SLC35F4: variants seen among roughly 807,000 people sequenced by gnomAD.
SLC35F4 encodes solute carrier family 35 member F4.
Under a neutral mutation model 44.2 loss-of-function variants are expected in SLC35F4, and 24 were observed. The observed-to-expected ratio is 0.54, with a 90% CI of 0.39 to 0.76. The LOEUF (loss-of-function observed/expected upper bound fraction) is 0.76. SLC35F4 is among the 30% of genes least tolerant of loss of function. The probability of loss-of-function intolerance (pLI) is 0.00; values close to 1 mark genes in which losing one functional copy is unlikely to be tolerated. For synonymous variants in SLC35F4, 238 were observed against 223.6 expected, an observed-to-expected ratio of 1.06 and a Z score of -0.57; for missense variants, 562 against 586.1, an observed-to-expected ratio of 0.96 and a Z score of 0.42.
intron 1 of SLC35F4, among the ~76,000 whole-genome samples, chr14:57,662,411 G>A (rs1050385038): frequency 1.3e-5 from 2 of 152,136 alleles, no homozygotes; most frequent in African/African-American, 2.4e-5. Context: ...TCTTTAAGAG[G>A]TGAGTAGGTC....
chr14:57,927,546 A>G (rs925190024), intron 1 of SLC35F4, among the ~76,000 whole-genome samples: 21 of 149,376 alleles, frequency 1.4e-4, no homozygotes, highest in Non-Finnish European at 3.0e-5. Context: ...GCTGGAGTGC[A>G]GTGTCATGAT....
At chr14:57,678,811 A>C (rs1184748721) in intron 1 of SLC35F4, among the ~76,000 whole-genome samples, 2 of 152,120 alleles carry the variant, frequency 1.3e-5, no homozygotes, top group Admixed American at 6.5e-5. Context: ...GGATCAATGC[A>C]ACAAGAAGAG....
intron 1 of SLC35F4, among the ~76,000 whole-genome samples, chr14:57,893,469 G>C (rs1310826135): frequency 6.6e-6 from 1 of 152,122 alleles, no homozygotes; most frequent in East Asian, 1.9e-4. Flanking sequence ...AACTGAAAAA[G>C]GCAGGATTCA....
intron 3 of SLC35F4, among the ~76,000 whole-genome samples, chr14:57,585,061 T>A (rs180873): frequency 0.62 from 94,358 of 152,076 alleles, 29,779 homozygotes; most frequent in East Asian, 0.87. Context: ...TCTCCCCCAA[T>A]CCAGTAAGCA....
At chr14:57,743,305 C>A (rs2076666172) in intron 1 of SLC35F4, among the ~76,000 whole-genome samples, 1 of 151,882 alleles carries the variant, frequency 6.6e-6, no homozygotes, top group South Asian at 2.1e-4. Context: ...CTGAAAAGAT[C>A]AACAAAATTG....
chr14:57,888,055 A>G (rs1462724260), intron 1 of SLC35F4, among the ~76,000 whole-genome samples: 1 of 152,166 alleles, frequency 6.6e-6, no homozygotes, highest in Non-Finnish European at 1.5e-5. Context: ...AAAGTCCCCC[A>G]TGGAGTTCTT....
intron 1 of SLC35F4, among the ~76,000 whole-genome samples, chr14:57,799,124 A>G (rs894515545): frequency 3.9e-5 from 6 of 152,208 alleles, no homozygotes; most frequent in Non-Finnish European, 8.8e-5. Flanking sequence ...TTGCATTGGG[A>G]CTGACTAGGC....
chr14:57,723,387 T>C (rs2076131362), intron 1 of SLC35F4, among the ~76,000 whole-genome samples: 1 of 152,242 alleles, frequency 6.6e-6, no homozygotes, highest in Admixed American at 6.5e-5. Flanking sequence ...GGAGGGACTG[T>C]GGAGATTAGT....
chr14:57,864,704 GACA>G (rs1887971956), intron 1 of SLC35F4, among the ~76,000 whole-genome samples: 1 of 152,190 alleles, frequency 6.6e-6, no homozygotes. Flanking sequence ...CCAAGCTTCT[GACA>G]ACAATAACGG....
intron 1 of SLC35F4, among the ~76,000 whole-genome samples, chr14:57,929,245 G>A (rs1410593352): frequency 6.6e-6 from 1 of 151,982 alleles, no homozygotes; most frequent in African/African-American, 2.4e-5. Flanking sequence ...TTTGTCCAGT[G>A]GTCAAGGTGA....
chr14:57,714,598 G>A (rs529638584), intron 1 of SLC35F4, among the ~76,000 whole-genome samples: 28 of 151,956 alleles, frequency 1.8e-4, no homozygotes, highest in Non-Finnish European at 2.5e-4. Flanking sequence ...GAATGCAAAC[G>A]ATATTGCCTG....
chr14:57,731,220 C>T (rs1448435765), intron 1 of SLC35F4, among the ~76,000 whole-genome samples: 1 of 152,168 alleles, frequency 6.6e-6, no homozygotes, highest in Non-Finnish European at 1.5e-5. Context: ...AAGGTGGGGT[C>T]AGTGTCTCTA....
intron 1 of SLC35F4, among the ~76,000 whole-genome samples, chr14:57,962,903 G>T (rs1480043670): frequency 6.6e-6 from 1 of 152,180 alleles, no homozygotes; most frequent in Non-Finnish European, 1.5e-5. Context: ...CCTGCAACAG[G>T]CTGTGTGCCG....
chr14:57,728,260 A>G (rs2076252520), intron 1 of SLC35F4, among the ~76,000 whole-genome samples: 2 of 151,550 alleles, frequency 1.3e-5, no homozygotes, highest in Non-Finnish European at 2.9e-5. Flanking sequence ...CTTTATTTTC[A>G]GTCTGTGTGT....
At chr14:57,951,681 G>C (rs898561654) in intron 1 of SLC35F4, among the ~76,000 whole-genome samples, 2 of 152,178 alleles carry the variant, frequency 1.3e-5, no homozygotes, top group African/African-American at 4.8e-5. Context: ...AGTTCAGACT[G>C]GGCAGAGCCC....
chr14:57,720,395 G>C (rs2076054078), intron 1 of SLC35F4, among the ~76,000 whole-genome samples: 2 of 152,074 alleles, frequency 1.3e-5, no homozygotes, highest in African/African-American at 4.8e-5. Context: ...AGAACTGTTT[G>C]AGTAGGATTA....
intron 1 of SLC35F4, among the ~76,000 whole-genome samples, chr14:57,760,312 C>A (rs2077094718): frequency 6.6e-6 from 1 of 152,150 alleles, no homozygotes; most frequent in South Asian, 2.1e-4. Flanking sequence ...TGTAACATGG[C>A]ACCCTTTTTG....
chr14:57,747,167 C>G (rs1198935503), intron 1 of SLC35F4, among the ~76,000 whole-genome samples: 1 of 152,126 alleles, frequency 6.6e-6, no homozygotes, highest in Non-Finnish European at 1.5e-5. Flanking sequence ...TGAAGGTTAT[C>G]TCAGAACAAA....
intron 1 of SLC35F4, chr14:57,602,262 A>G (rs1305856351): frequency 6.6e-6 from 1 of 152,194 alleles, no homozygotes; most frequent in East Asian, 1.9e-4. Context: ...GGCAGCTTCC[A>G]ACACAGGAAA....
Sources: gnomAD v4.1 joint callset for allele counts (sites outside exome capture counted in the v4.1 genomes callset) on GRCh38, gnomAD v4.1.1 for gene constraint, MANE v1.5 for transcripts, NCBI Gene and HGNC (gene_info 2026-07-23, HGNC 2026-07-21) for gene names.